Variants in SREK1IP1 observed in about 807,000 individuals in gnomAD.
SREK1IP1 encodes protein SREK1IP1.
SREK1IP1 carries 12 observed loss-of-function variants against 22.8 expected under a neutral mutation model. The observed-to-expected ratio is 0.53, with a 90% CI of 0.34 to 0.85. The LOEUF (loss-of-function observed/expected upper bound fraction) is 0.85, where lower values mean the gene tolerates loss of function less well. Among genes scored for constraint, SREK1IP1 ranks in the 40% least tolerant of loss-of-function variants. The pLI is 0.02. For synonymous variants in SREK1IP1, 53 were observed against 52.7 expected (o/e 1.01, Z -0.02); for missense variants, 147 against 171.8 (o/e 0.86, Z 0.81).
chr5:64,728,824 T>C lies in SREK1IP1; in HGVS notation c.206-645A>G, dbSNP rs558637177. On this transcript the variant is annotated intron_variant, in intron 3 of 4. Coordinates refer to ENST00000513458, the MANE Select transcript of SREK1IP1 (RefSeq NM_173829.4). ...CATATTTTATCAATTTCTACTTTCA[T>C]TGTTAGAAACAATAAGCAATGGAAA... is the stretch of plus-strand genomic sequence containing the variant. Among the ~76,000 whole-genome samples the C allele has an allele frequency of 2.6e-5, 4 of 152,330 alleles. No homozygotes were observed. The South Asian group carries it at 6.2e-4, about 24-fold the overall frequency.
At chr5:64,751,543 A>T (rs1742740252) in intron 2 of SREK1IP1, among the ~76,000 whole-genome samples, 2 of 152,220 alleles carry the variant, frequency 1.3e-5, no homozygotes, top group South Asian at 4.1e-4. Flanking sequence ...CTCAAAGGGA[A>T]TGCCATTGGC....
At chr5:64,730,059 A>G (rs970120730) in intron 3 of SREK1IP1, among the ~76,000 whole-genome samples, 1 of 152,180 alleles carries the variant, frequency 6.6e-6, no homozygotes, top group Admixed American at 6.5e-5. Flanking sequence ...AAGCCCAGGA[A>G]GATTATCTGC....
rs565374234 is a variant in SREK1IP1 at position 64,747,964 on chromosome 5, C to CA, written c.61+6350dup. Among the ~76,000 whole-genome samples, 10 of 151,976 alleles carry CA rather than the reference C, an allele frequency of 6.6e-5. No homozygotes were observed. The South Asian group carries it at 1.9e-3, about 28-fold the overall frequency. ...AAAGAAAACCAGTTTGGCAGTTTTTCAAAAAAATCAACATAGTAATTCTGC... is the reference window on the plus strand; with the variant it reads ...AAAGAAAACCAGTTTGGCAGTTTTTCAAAAAAAATCAACATAGTAATTCTGC... On this transcript the variant is annotated intron_variant, in intron 2 of 4. Transcript: ENST00000513458.
At chr5:64,765,176 G>T (rs1743014534) in intron 1 of SREK1IP1, 1 of 152,278 alleles carries the variant, frequency 6.6e-6, no homozygotes, top group South Asian at 2.1e-4. Context: ...TGAAACCTGT[G>T]ATCAAATATT....
chr5:64,740,102 C>T (rs1406855309), intron 3 of SREK1IP1, among the ~76,000 whole-genome samples: 1 of 152,022 alleles, frequency 6.6e-6, no homozygotes. Flanking sequence ...AAAAACCCCA[C>T]TGCAAGGATG....
At chr5:64,743,360 C>G (rs1169403320) in intron 2 of SREK1IP1, among the ~76,000 whole-genome samples, 2 of 152,154 alleles carry the variant, frequency 1.3e-5, no homozygotes, top group Non-Finnish European at 2.9e-5. Flanking sequence ...GTGTAGTAGA[C>G]TATACATCCA....
intron 1 of SREK1IP1, among the ~76,000 whole-genome samples, chr5:64,761,677 C>G (rs1742954014): frequency 6.6e-6 from 1 of 152,088 alleles, no homozygotes; most frequent in Non-Finnish European, 1.5e-5. Flanking sequence ...AGTTATTGAC[C>G]AAAACATCAT....
intron 2 of SREK1IP1, among the ~76,000 whole-genome samples, chr5:64,751,980 T>C (rs565308734): frequency 1.3e-5 from 2 of 152,250 alleles, no homozygotes; most frequent in African/African-American, 4.8e-5. Flanking sequence ...CTTTTAATCA[T>C]ACTTTCTGAA....
intron 2 of SREK1IP1, among the ~76,000 whole-genome samples, chr5:64,748,437 C>T (rs971540173): frequency 3.3e-5 from 5 of 151,996 alleles, no homozygotes; most frequent in African/African-American, 1.2e-4. Context: ...GTATTTACTG[C>T]CACTGAATTG....
chr5:64,721,865 A>G lies in SREK1IP1; in HGVS notation c.*2519T>C, dbSNP rs1742169324. On this transcript the variant is annotated 3_prime_UTR_variant, in exon 5 of 5. Transcript: ENST00000513458. ...TGAATTTTAAAATATTGATAATTAT[A>G]TATATTAAACCTTGAAGTGATTTCA... The G allele has an allele frequency of 6.6e-6, 1 of 152,188 alleles. No homozygotes were observed. Among genetic ancestry groups the G allele is most frequent in the African/African-American group, 2.4e-5 (1 of 41,462 alleles). 9.4% of individuals were successfully genotyped at this position (152,188 alleles called of 1,614,324 possible). A position where few individuals can be genotyped will look rare whatever the true frequency, so the allele number is the denominator to read the frequency against.
intron 3 of SREK1IP1, among the ~76,000 whole-genome samples, chr5:64,731,341 A>G (rs1269042406): frequency 6.6e-6 from 1 of 151,766 alleles, no homozygotes; most frequent in African/African-American, 2.4e-5. Context: ...TAGTGACATC[A>G]TGTCTTTATA....
intron 4 of SREK1IP1, among the ~76,000 whole-genome samples, chr5:64,726,155 G>GC (rs1291969862): frequency 1.3e-5 from 2 of 152,002 alleles, no homozygotes; most frequent in African/African-American, 4.8e-5. Flanking sequence ...ATAGGAGTGA[G>GC]CCACCGTGCC....
chr5:64,731,378 G>T (rs1048316593), intron 3 of SREK1IP1, among the ~76,000 whole-genome samples: 1 of 151,976 alleles, frequency 6.6e-6, no homozygotes, highest in African/African-American at 2.4e-5. Context: ...AGCCAGGCAT[G>T]GTGGCACATG....
intron 1 of SREK1IP1, among the ~76,000 whole-genome samples, chr5:64,762,145 T>C (rs562441550): frequency 2.8e-4 from 43 of 152,350 alleles, no homozygotes; most frequent in Middle Eastern, 3.4e-3. Flanking sequence ...ACTTAATATA[T>C]TTTTCCTATT....
chr5:64,759,216 G>C (rs7728017), intron 1 of SREK1IP1, among the ~76,000 whole-genome samples: 9,571 of 152,196 alleles, frequency 0.063, 973 homozygotes, highest in African/African-American at 0.22. Context: ...CACTGAGCTA[G>C]CTGATATCTT....
intron 3 of SREK1IP1, among the ~76,000 whole-genome samples, chr5:64,737,653 T>A (rs939478439): frequency 3.4e-5 from 5 of 148,354 alleles, no homozygotes; most frequent in Non-Finnish European, 7.4e-5. Context: ...AGCTTTTTAA[T>A]AAAAAGATAA....
chr5:64,746,698 T>C (rs926558285), intron 2 of SREK1IP1, among the ~76,000 whole-genome samples: 3 of 152,220 alleles, frequency 2.0e-5, no homozygotes, highest in Admixed American at 1.3e-4. Context: ...TGACATCAAA[T>C]GTGTGGGTTT....
At chr5:64,766,530 G>A (rs1482691872) in intron 1 of SREK1IP1, among the ~76,000 whole-genome samples, 1 of 152,142 alleles carries the variant, frequency 6.6e-6, no homozygotes, top group Admixed American at 6.5e-5. Context: ...GGTAAACTTT[G>A]TCTCCAATCT....
intron 3 of SREK1IP1, among the ~76,000 whole-genome samples, chr5:64,731,974 G>C (rs1030721959): frequency 6.6e-6 from 1 of 152,128 alleles, no homozygotes; most frequent in African/African-American, 2.4e-5. Flanking sequence ...AAGAAAACAG[G>C]ATGGGGGAAA....
Sources: gnomAD v4.1 joint callset for allele counts (sites outside exome capture counted in the v4.1 genomes callset) on GRCh38, gnomAD v4.1.1 for gene constraint, MANE v1.5 for transcripts, NCBI Gene and HGNC (gene_info 2026-07-23, HGNC 2026-07-21) for gene names.